Variants in MYCBP2 observed in about 807,000 individuals in gnomAD.
The protein encoded by MYCBP2 is E3 ubiquitin-protein ligase MYCBP2.
Under a neutral mutation model 525.3 loss-of-function variants are expected in MYCBP2, and 120 were observed. That is an observed-to-expected ratio of 0.23 (90% CI 0.20 to 0.27). The LOEUF (loss-of-function observed/expected upper bound fraction) is 0.27, where lower values mean the gene tolerates loss of function less well. Ranked by LOEUF, MYCBP2 falls within the 10% of genes least tolerant of loss-of-function variation. The pLI is 1.00. For synonymous variants in MYCBP2, 1,894 were observed against 1,955.8 expected (o/e 0.97, Z 0.83); for missense variants, 4,149 against 5,657.1 (o/e 0.73, Z 8.55).
chr13:77,220,019 C>T (rs9574017), intron 20 of MYCBP2, among the ~76,000 whole-genome samples: 1 of 152,088 alleles, frequency 6.6e-6, no homozygotes, highest in African/African-American at 2.4e-5. Flanking sequence ...TGTACAGGAA[C>T]TGGTTGAATC....
intron 17 of MYCBP2, among the ~76,000 whole-genome samples, chr13:77,242,439 A>C (rs955850669): frequency 1.3e-5 from 2 of 152,102 alleles, no homozygotes; most frequent in Admixed American, 6.6e-5. Context: ...TAAGCTAAGA[A>C]ACTTTTAAGC....
chr13:77,137,619 C>T (rs941242220), intron 52 of MYCBP2, among the ~76,000 whole-genome samples: 2 of 151,970 alleles, frequency 1.3e-5, no homozygotes, highest in South Asian at 2.1e-4. Flanking sequence ...GACAGAGATT[C>T]GCTCTGTCTC....
chr13:77,125,291 T>C (rs2051453855), intron 54 of MYCBP2, 45 bp downstream of exon 54: 1 of 1,610,460 alleles, frequency 6.2e-7, no homozygotes, highest in South Asian at 1.1e-5. Flanking sequence ...AACTTCTGTA[T>C]TTGAAAGCTT....
At chr13:77,136,519 A>G (rs2053790283) in intron 52 of MYCBP2, among the ~76,000 whole-genome samples, 1 of 152,164 alleles carries the variant, frequency 6.6e-6, no homozygotes, top group Non-Finnish European at 1.5e-5. Context: ...CTCAGCAACT[A>G]GTACTATAAT....
intron 26 of MYCBP2, among the ~76,000 whole-genome samples, chr13:77,199,953 A>G (rs559987071): frequency 1.3e-5 from 2 of 152,384 alleles, no homozygotes; most frequent in African/African-American, 4.8e-5. Flanking sequence ...AAAACAGAGC[A>G]GAAAAACTGG....
intron 40 of MYCBP2, among the ~76,000 whole-genome samples, chr13:77,167,022 CA>C (rs1489933925): frequency 0.022 from 2,112 of 96,614 alleles, 33 homozygotes; most frequent in African/African-American, 0.059. Context: ...CACACACACA[CA>C]CACCAAATGA....
intron 27 of MYCBP2, 75 bp from the exon 28 acceptor site, chr13:77,191,888 C>G (rs2061333514): frequency 1.4e-6 from 2 of 1,417,766 alleles, no homozygotes; most frequent in East Asian, 2.4e-5. Flanking sequence ...TTCAAAATCC[C>G]TTGTGAACAA....
chr13:77,202,847 C>T lies in MYCBP2; in HGVS notation c.3843+2409G>A, dbSNP rs1257502475. On this transcript the variant is annotated intron_variant, in intron 26 of 82. Coordinates refer to ENST00000544440, the MANE Select transcript of MYCBP2 (RefSeq NM_015057.5). ...AGGCCTTTGACAAAATTCAACAACC[C>T]TTCATGCTAAAAACTCTCAATAAAT... Among the ~76,000 whole-genome samples, 9 of 152,300 alleles carry T rather than the reference C, an allele frequency of 5.9e-5. No homozygotes were observed. In the South Asian group the frequency reaches 1.2e-3, roughly 21 times the overall value.
chr13:77,081,040 T>C lies in MYCBP2; in HGVS notation c.11418+387A>G. On this transcript the variant is annotated intron_variant, in intron 65 of 82. Transcript: ENST00000544440. This position sits in a 1 kb window ranked among gnomAD's most constrained non-coding sequence, Gnocchi z 4.6. ...AATCAGCAGAGGGAAAGAGTAATTT[T>C]TTAGAGGAGTTACTTAGAATTTCTC... The C allele has an allele frequency of 5.8e-6, 1 of 171,156 alleles. No individual in the cohort carries two copies. The highest frequency in any genetic ancestry group is 1.2e-5 in the Non-Finnish European group (1 of 80,832). 10.6% of individuals were successfully genotyped at this position (171,156 alleles called of 1,614,324 possible).
At chr13:77,197,610 G>C (rs879701067) in intron 26 of MYCBP2, among the ~76,000 whole-genome samples, 2 of 152,066 alleles carry the variant, frequency 1.3e-5, no homozygotes, top group African/African-American at 4.8e-5. Flanking sequence ...ATGCATATAC[G>C]AATATGTGAA....
At chr13:77,169,353 G>A (rs910567181) in intron 39 of MYCBP2, among the ~76,000 whole-genome samples, 1 of 136,588 alleles carries the variant, frequency 7.3e-6, no homozygotes, top group Non-Finnish European at 1.5e-5. Context: ...CGGAGATCGC[G>A]CCACAGCACT....
chr13:77,053,532 C>T (rs770700623), intron 80 of MYCBP2, among the ~76,000 whole-genome samples: 17 of 152,274 alleles, frequency 1.1e-4, no homozygotes, highest in East Asian at 3.9e-4. Flanking sequence ...GGAAGTATTT[C>T]GGTTTGTCTT....
At chr13:77,119,208 T>A (rs964856514) in intron 55 of MYCBP2, among the ~76,000 whole-genome samples, 11 of 152,084 alleles carry the variant, frequency 7.2e-5, no homozygotes, top group Non-Finnish European at 8.8e-5. Flanking sequence ...TTTACAAAAA[T>A]TTTTTTTAAG....
At position 77,045,492 on chromosome 13, in the gene MYCBP2, A is replaced by G; in HGVS notation, c.13923T>C (p.Gly4641=). 1 of 1,608,720 alleles carries G rather than the reference A, an allele frequency of 6.2e-7. No homozygotes were observed. The highest frequency in any genetic ancestry group is 8.5e-7 in the Non-Finnish European group (1 of 1,175,498). The change falls in exon 83 of 83, where the codon GGT becomes GGC. Residue 4641 remains glycine, a splice_region_variant and synonymous_variant. Coordinates refer to ENST00000544440, the MANE Select transcript of MYCBP2 (RefSeq NM_015057.5). ...TTCCTTCTAACTGCTTGCCTTTGGG[A>G]CCTGTATAAATTTGAAGGAGGCAAA... ...PKEELPHCPA[G]PKGKQLEGTE... is the part of the protein sequence containing the mutation.
intron 21 of MYCBP2, 128 bp from the exon 22 acceptor site, chr13:77,212,288 T>C: frequency 1.4e-6 from 1 of 709,404 alleles, no homozygotes; most frequent in South Asian, 2.9e-5. Flanking sequence ...TAGTTTGGGT[T>C]TTTAAAATAA....
At chr13:77,213,842 A>T (rs937325176) in intron 21 of MYCBP2, among the ~76,000 whole-genome samples, 1 of 152,230 alleles carries the variant, frequency 6.6e-6, no homozygotes, top group Admixed American at 6.5e-5. Context: ...AACCTTCAGC[A>T]GTGGAAGGAG....
intron 46 of MYCBP2, among the ~76,000 whole-genome samples, chr13:77,152,800 T>G (rs1344409457): frequency 6.6e-6 from 1 of 152,110 alleles, no homozygotes; most frequent in Non-Finnish European, 1.5e-5. Flanking sequence ...GCGCGGTGGC[T>G]CACGCCTGTA....
intron 52 of MYCBP2, among the ~76,000 whole-genome samples, chr13:77,130,532 T>A (rs1039150549): frequency 6.6e-6 from 1 of 152,030 alleles, no homozygotes; most frequent in African/African-American, 2.4e-5. Context: ...TCTAATAATA[T>A]GCCTACAAAT....
intron 58 of MYCBP2, 49 bp from the exon 59 acceptor site, chr13:77,093,381 C>A (rs367816837): frequency 3.3e-6 from 5 of 1,512,218 alleles, no homozygotes; most frequent in South Asian, 2.4e-5. Flanking sequence ...CAATACAGAT[C>A]CTCTCCATTT....
Sources: gnomAD v4.1 joint callset for allele counts (sites outside exome capture counted in the v4.1 genomes callset) on GRCh38, gnomAD v4.1.1 for gene constraint, Gnocchi (gnomAD v3.1) non-coding constraint, MANE v1.5 for transcripts, NCBI Gene and HGNC (gene_info 2026-07-23, HGNC 2026-07-21) for gene names.